The following PRKG1 variants were observed in gnomAD, a reference collection of about 807,000 sequenced individuals.
PRKG1 encodes cGMP-dependent protein kinase 1.
Under a neutral mutation model 88.1 loss-of-function variants are expected in PRKG1, and 35 were observed. That is an observed-to-expected ratio of 0.40 (90% CI 0.30 to 0.53). The LOEUF (loss-of-function observed/expected upper bound fraction) is 0.53. Ranked by LOEUF, PRKG1 falls within the 20% of genes least tolerant of loss-of-function variation. The pLI, the probability that PRKG1 is intolerant of heterozygous loss-of-function variation, is 0.59. For synonymous variants in PRKG1, 303 were observed against 292.5 expected (o/e 1.04, Z -0.37); for missense variants, 540 against 839.8 (o/e 0.64, Z 4.41).
intron 5 of PRKG1, among the ~76,000 whole-genome samples, chr10:51,912,317 A>AGGCG (rs1344042201): frequency 4.6e-5 from 7 of 152,304 alleles, no homozygotes; most frequent in Non-Finnish European, 5.9e-5. Context: ...TCTGGTTTTT[A>AGGCG]TTCTAAATGT....
intron 5 of PRKG1, among the ~76,000 whole-genome samples, chr10:52,004,702 C>T (rs1004377683): frequency 1.3e-5 from 2 of 152,164 alleles, no homozygotes; most frequent in Admixed American, 6.6e-5. Flanking sequence ...GGGAAACGTT[C>T]ATAATTTACT....
chr10:51,657,786 A>G lies in PRKG1; in HGVS notation c.593-146799A>G, dbSNP rs1220828705. Among the ~76,000 whole-genome samples, 16 of 152,088 alleles carry G rather than the reference A, an allele frequency of 1.1e-4. No homozygotes were observed. The South Asian group carries it at 3.3e-3, about 32-fold the overall frequency. On this transcript the variant is annotated intron_variant, in intron 3 of 17. Coordinates refer to ENST00000373980, the MANE Select transcript of PRKG1 (RefSeq NM_006258.4). ...GGAACCCATTTTTAACAGGCTTCCA[A>G]CAGGAGAATAAAGTAGAGACTTCCT... is the stretch of plus-strand genomic sequence containing the variant.
chr10:51,582,825 T>C (rs1054190467), intron 3 of PRKG1, among the ~76,000 whole-genome samples: 4 of 152,126 alleles, frequency 2.6e-5, no homozygotes, highest in Non-Finnish European at 4.4e-5. Flanking sequence ...GGGAATTCCA[T>C]GGGATTTTTA....
At chr10:51,467,874 T>A in intron 3 of PRKG1, 38 bp downstream of exon 3, 2 of 1,503,612 alleles carry the variant, frequency 1.3e-6, no homozygotes, top group Non-Finnish European at 1.8e-6. Context: ...ATTTTCAATG[T>A]CTTTTCCCTA....
intron 9 of PRKG1, among the ~76,000 whole-genome samples, chr10:52,235,882 C>A (rs1425711256): frequency 4.9e-5 from 5 of 103,064 alleles, no homozygotes; most frequent in Non-Finnish European, 9.7e-5. Context: ...AGCACCACAC[C>A]ACACCTATTC....
At chr10:51,077,076 A>G (rs1279374284) in intron 1 of PRKG1, among the ~76,000 whole-genome samples, 1 of 152,204 alleles carries the variant, frequency 6.6e-6, no homozygotes, top group African/African-American at 2.4e-5. Flanking sequence ...TAGAAAGTGT[A>G]CCTTTCTTAG....
At position 52,214,132 on chromosome 10, in the gene PRKG1, A is replaced by G. The variant is rs1001990857; in HGVS notation, c.1077-37438A>G. ...GTTATTAAGACACTGAGATGAATAT[A>G]CACCCTCCCCAAACTCTAGGATCCC... is the stretch of plus-strand genomic sequence containing the variant. On this transcript the variant is annotated intron_variant, in intron 9 of 17. Coordinates refer to ENST00000373980, the MANE Select transcript of PRKG1 (RefSeq NM_006258.4). Among the ~76,000 whole-genome samples, 12 of 152,134 alleles carry G rather than the reference A, an allele frequency of 7.9e-5. 1 individual carries two copies. The highest frequency in any genetic ancestry group is 2.6e-4 in the Admixed American group (4 of 15,254).
At chr10:51,035,655 A>C (rs1843343686) in intron 1 of PRKG1, among the ~76,000 whole-genome samples, 1 of 152,188 alleles carries the variant, frequency 6.6e-6, no homozygotes, top group African/African-American at 2.4e-5. Flanking sequence ...ATATATGTGA[A>C]TTGCTCAGAT....
chr10:51,950,401 T>C (rs1843154193), intron 5 of PRKG1, among the ~76,000 whole-genome samples: 1 of 152,248 alleles, frequency 6.6e-6, no homozygotes, highest in Non-Finnish European at 1.5e-5. Flanking sequence ...ATTAGACTTA[T>C]ATGAGAGGCT....
chr10:51,501,770 A>T (rs1841030316), intron 3 of PRKG1, among the ~76,000 whole-genome samples: 1 of 150,624 alleles, frequency 6.6e-6, no homozygotes, highest in African/African-American at 2.4e-5. Flanking sequence ...TGTGCAAGCA[A>T]ATTCACCCAA....
chr10:51,803,387 GC>G (rs1169173345), intron 3 of PRKG1, among the ~76,000 whole-genome samples: 2 of 152,000 alleles, frequency 1.3e-5, no homozygotes, highest in East Asian at 3.9e-4. Context: ...CTTAAATGTT[GC>G]AAGAAAAAAA....
At position 52,211,434 on chromosome 10, in the gene PRKG1, A is replaced by T. The variant is rs1005638661; in HGVS notation, c.1077-40136A>T. Among the ~76,000 whole-genome samples, 66 of 152,176 alleles carry T rather than the reference A, an allele frequency of 4.3e-4. 3 individuals are homozygous for T. ...ATCCAATGAACAAGGACAGCCTATA[A>T]CCAGCTGTCCGGTTGTAGGTTTTGT... On this transcript the variant is annotated intron_variant, in intron 9 of 17. Transcript: ENST00000373980.
intron 3 of PRKG1, chr10:51,568,550 C>G (rs1207471747): frequency 6.6e-6 from 1 of 151,892 alleles, no homozygotes; most frequent in African/African-American, 2.4e-5. Flanking sequence ...CCATTTTTCA[C>G]CTGTAACCTT....
rs139511110 is a variant in PRKG1, at chr10:51,518,295, G to A, written c.592+50459G>A. ...TTACAGGTGTGAGCCACCATGCCCC[G>A]CATGGATTCTAATTTCTGTCTTCTT... On this transcript the variant is annotated intron_variant, in intron 3 of 17. Transcript: ENST00000373980. 8.5e-5 allele frequency among the ~76,000 whole-genome samples: 13 copies of A among 152,240 alleles called. No homozygotes were observed. The South Asian group carries it at 1.9e-3, about 22-fold the overall frequency.
intron 2 of PRKG1, among the ~76,000 whole-genome samples, chr10:51,211,177 ACGTAATC>A (rs1838207909): frequency 6.6e-6 from 1 of 152,174 alleles, no homozygotes; most frequent in Non-Finnish European, 1.5e-5. Context: ...AAATCGATAA[ACGTAATC>A]CAGCATATAA....
chr10:52,147,712 G>C (rs1296976535), intron 8 of PRKG1, among the ~76,000 whole-genome samples: 1 of 152,110 alleles, frequency 6.6e-6, no homozygotes, highest in Non-Finnish European at 1.5e-5. Context: ...GAAGTAGAAA[G>C]GAAAAAGAGG....
intron 5 of PRKG1, among the ~76,000 whole-genome samples, chr10:52,035,164 G>A (rs1349830579): frequency 6.6e-6 from 1 of 151,958 alleles, no homozygotes; most frequent in Non-Finnish European, 1.5e-5. Context: ...AAATGACTGC[G>A]GTGGCCTTCT....
intron 2 of PRKG1, among the ~76,000 whole-genome samples, chr10:51,382,119 G>A (rs1375823812): frequency 6.6e-6 from 1 of 151,640 alleles, no homozygotes. Flanking sequence ...TATTTGTTTG[G>A]CATGACCTTA....
chr10:51,546,309 T>C (rs1020992017), intron 3 of PRKG1, among the ~76,000 whole-genome samples: 1 of 152,056 alleles, frequency 6.6e-6, no homozygotes, highest in African/African-American at 2.4e-5. Context: ...GACTAAGTAG[T>C]CGTCATAGAG....
Sources: allele counts gnomAD v4.1 joint callset (sites outside exome capture counted in the v4.1 genomes callset), GRCh38; gene constraint gnomAD v4.1.1; transcripts MANE v1.5; gene names NCBI Gene and HGNC (gene_info 2026-07-23, HGNC 2026-07-21).